Variants in ZNF568 observed in about 807,000 individuals in gnomAD.
ZNF568 encodes the protein zinc finger protein 568, also known as p53 inhibitor of SCO2 activation.
Under a neutral mutation model 18.1 loss-of-function variants are expected in ZNF568, and 11 were observed. That is an observed-to-expected ratio of 0.61 (90% CI 0.38 to 1.00). The LOEUF is 1.00. ZNF568 is among the 50% of genes least tolerant of loss of function. ZNF568 has a pLI of 0.01. For missense variants in ZNF568, 639 were observed against 768.2 expected (o/e 0.83, Z 1.99); for synonymous variants, 213 against 246.6 (o/e 0.86, Z 1.28).
At chr19:36,962,432 T>C (rs541966) in intron 6 of ZNF568, among the ~76,000 whole-genome samples, 84,081 of 149,314 alleles carry the variant, frequency 0.56, 24,514 homozygotes, top group African/African-American at 0.69. Context: ...CCTCCACCTC[T>C]CAGGTTCAAG....
chr19:36,924,382 C>T (rs556288203), intron 3 of ZNF568, among the ~76,000 whole-genome samples: 3 of 151,574 alleles, frequency 2.0e-5, no homozygotes, highest in African/African-American at 7.3e-5. Flanking sequence ...CTACGCCCAG[C>T]GAATTTTTGT....
intron 2 of ZNF568, among the ~76,000 whole-genome samples, chr19:36,921,078 A>T (rs1050630793): frequency 2.0e-5 from 3 of 152,238 alleles, no homozygotes; most frequent in African/African-American, 4.8e-5. Flanking sequence ...ATATTTGCAC[A>T]ATGATGAAAT....
chr19:36,968,958 C>G (rs180856617), intron 6 of ZNF568, among the ~76,000 whole-genome samples: 2 of 150,902 alleles, frequency 1.3e-5, no homozygotes, highest in Non-Finnish European at 3.0e-5. Flanking sequence ...TAGGTTCAAG[C>G]GATTCTCCTG....
chr19:36,951,344 T>A lies in ZNF568; in HGVS notation c.*256T>A. The A allele has an allele frequency of 3.3e-6, 1 of 301,904 alleles. No individual in the cohort carries two copies. Among genetic ancestry groups the A allele is most frequent in the Non-Finnish European group, 6.0e-6 (1 of 166,770 alleles). The allele number at this position is 301,904 out of a possible 1,614,324, so 18.7% of individuals were successfully genotyped here. On this transcript the variant is annotated 3_prime_UTR_variant, in exon 7 of 7. Transcript: ENST00000333987. ...TTTTCTAGGATCTTTCAAAAATGAT[T>A]ATAAAATTCATGTGAAATAGAAGTG... is the stretch of plus-strand genomic sequence containing the variant.
chr19:36,985,375 A>T (rs1433530220), intron 2 of ZNF568, among the ~76,000 whole-genome samples: 1 of 152,190 alleles, frequency 6.6e-6, no homozygotes, highest in East Asian at 1.9e-4. Context: ...TCTTTTACAG[A>T]GGTGATTCCT....
intron 6 of ZNF568, among the ~76,000 whole-genome samples, chr19:36,939,625 C>T (rs1426170384): frequency 2.0e-5 from 3 of 148,728 alleles, no homozygotes; most frequent in South Asian, 2.1e-4. Context: ...CTGCAACCTC[C>T]GCCTCCTGGG....
At chr19:36,990,199 G>A (rs1045459731) in intron 2 of ZNF568, among the ~76,000 whole-genome samples, 25 of 152,144 alleles carry the variant, frequency 1.6e-4, no homozygotes, top group African/African-American at 4.3e-4. Context: ...TAGTATGTGC[G>A]CACCTCGTGT....
chr19:36,963,960 A>G (rs1010665698), intron 6 of ZNF568, among the ~76,000 whole-genome samples: 2 of 122,292 alleles, frequency 1.6e-5, no homozygotes, highest in Non-Finnish European at 3.2e-5. Flanking sequence ...AGCGAGACTC[A>G]GTCAAAAAAA....
intron 4 of ZNF568, among the ~76,000 whole-genome samples, chr19:36,934,577 C>A (rs1011703487): frequency 6.6e-6 from 1 of 152,150 alleles, no homozygotes; most frequent in South Asian, 2.1e-4. Context: ...CTGCCTCGGC[C>A]TTCCAGAGTG....
At chr19:36,958,772 C>T (rs1238782731) in intron 6 of ZNF568, among the ~76,000 whole-genome samples, 2 of 151,800 alleles carry the variant, frequency 1.3e-5, no homozygotes, top group African/African-American at 4.8e-5. Context: ...GCGTGCACCA[C>T]CAAGCCCAGC....
In ZNF568 at chr19:36,946,475, A is replaced by G. The variant is rs946489567; in HGVS notation, c.359-3037A>G. Among the ~76,000 whole-genome samples the G allele has an allele frequency of 2.6e-5, 4 of 152,076 alleles. No individual in the cohort carries two copies. In the East Asian group the frequency reaches 7.7e-4, roughly 29 times the overall value. ...TGCCTTATTTTTCTATTTTCTATGT[A>G]TTATTAATTTAAATGATACCCTCAA... On this transcript the variant is annotated intron_variant, in intron 6 of 6. Transcript: ENST00000333987.
exon 5 of ZNF568, chr19:36,996,467 C>T (rs911602525): frequency 1.3e-6 from 2 of 1,536,276 alleles, no homozygotes; most frequent in African/African-American, 2.7e-5. Context: ...CATTTCAGAC[C>T]AGCTGTAATA....
intron 2 of ZNF568, among the ~76,000 whole-genome samples, chr19:36,985,563 C>T (rs1302404729): frequency 6.6e-6 from 1 of 152,116 alleles, no homozygotes; most frequent in Non-Finnish European, 1.5e-5. Context: ...CACTGTGTCA[C>T]CCAGGCTGGA....
chr19:36,991,355 T>C (rs1241184586), intron 3 of ZNF568: 10 of 1,460,156 alleles, frequency 6.8e-6, no homozygotes, highest in Non-Finnish European at 8.1e-6. Context: ...ACAATTGGCC[T>C]TCTGGAATTC....
chr19:36,947,746 A>C (rs1568391391), intron 6 of ZNF568, among the ~76,000 whole-genome samples: 1 of 152,112 alleles, frequency 6.6e-6, no homozygotes, highest in Non-Finnish European at 1.5e-5. Flanking sequence ...CAACCCTTCC[A>C]AGTAGCTGGG....
intron 6 of ZNF568, among the ~76,000 whole-genome samples, chr19:36,960,384 T>C (rs1013817864): frequency 1.3e-5 from 2 of 152,028 alleles, no homozygotes; most frequent in African/African-American, 4.8e-5. Context: ...TCCCAAAGTG[T>C]TGGGATTACA....
At chr19:36,942,969 G>A (rs2073908755) in intron 6 of ZNF568, among the ~76,000 whole-genome samples, 1 of 152,148 alleles carries the variant, frequency 6.6e-6, no homozygotes, top group Non-Finnish European at 1.5e-5. Context: ...TTAGTTCACA[G>A]ACTATACAAA....
chr19:36,955,396 C>T (rs1355362798), downstream of ZNF568, among the ~76,000 whole-genome samples: 1 of 152,054 alleles, frequency 6.6e-6, no homozygotes, highest in Non-Finnish European at 1.5e-5. Context: ...CTTTTGGCCT[C>T]TCTCACCCCA....
intron 4 of ZNF568, among the ~76,000 whole-genome samples, chr19:36,928,622 T>G (rs1483246997): frequency 6.6e-6 from 1 of 151,970 alleles, no homozygotes; most frequent in Non-Finnish European, 1.5e-5. Context: ...GATATCTAAG[T>G]GATACAATTA....
Sources: allele counts gnomAD v4.1 joint callset (sites outside exome capture counted in the v4.1 genomes callset), GRCh38; gene constraint gnomAD v4.1.1; transcripts MANE v1.5; gene names NCBI Gene and HGNC (gene_info 2026-07-23, HGNC 2026-07-21).